The following COL4A2 variants were observed in gnomAD, a reference collection of about 807,000 sequenced individuals.
COL4A2 encodes the protein collagen alpha-2(IV) chain.
In COL4A2, 99 loss-of-function variants were observed where a neutral mutation model predicts 200.2. The ratio of observed to expected loss-of-function variants is 0.49; its 90% CI spans 0.42 to 0.58. The LOEUF is 0.58. Among genes scored for constraint, COL4A2 ranks in the 20% least tolerant of loss-of-function variants. The pLI is 0.00. For missense variants in COL4A2, 1,950 were observed against 2,314.1 expected, an observed-to-expected ratio of 0.84 and a Z score of 3.23; for synonymous variants, 897 against 900.6, an observed-to-expected ratio of 1.00 and a Z score of 0.07.
chr13:110,317,440 A>T (rs1257984548), intron 3 of COL4A2, among the ~76,000 whole-genome samples: 2 of 152,130 alleles, frequency 1.3e-5, no homozygotes, highest in East Asian at 3.8e-4. Context: ...TTCTTTCTTC[A>T]TGGGAGCAGC....
rs544714354 is a variant in COL4A2 at position 110,377,600 on chromosome 13, A to T, written c.180+20048A>T. Among the ~76,000 whole-genome samples, 48 of 152,334 alleles carry T rather than the reference A, an allele frequency of 3.2e-4. 1 individual carries two copies. The highest frequency in any genetic ancestry group is 1.1e-3 in the African/African-American group (45 of 41,570). Reference sequence around the variant, plus strand: ...TGGGAATTGTGATTCCGTTAAAATCATTTGACTCAGGAAAAGCTTTTCGAA... The same window carrying T: ...TGGGAATTGTGATTCCGTTAAAATCTTTTGACTCAGGAAAAGCTTTTCGAA... On this transcript the variant is annotated intron_variant, in intron 4 of 47. Coordinates refer to ENST00000360467, the MANE Select transcript of COL4A2 (RefSeq NM_001846.4).
chr13:110,439,974 A>G (rs1881060369), intron 16 of COL4A2, 141 bp downstream of exon 16: 2 of 1,305,534 alleles, frequency 1.5e-6, no homozygotes, highest in Admixed American at 3.1e-5. Flanking sequence ...TGCAGTCACA[A>G]AGATAATCCT....
intron 20 of COL4A2, among the ~76,000 whole-genome samples, chr13:110,453,688 C>G (rs1881622735): frequency 6.6e-6 from 1 of 152,150 alleles, no homozygotes; most frequent in South Asian, 2.1e-4. Context: ...AATTTCTGAT[C>G]TGTAGTGTGG....
chr13:110,415,040 G>A (rs1324354068), intron 4 of COL4A2, among the ~76,000 whole-genome samples: 3 of 152,190 alleles, frequency 2.0e-5, no homozygotes, highest in Non-Finnish European at 4.4e-5. Context: ...TCCACACTGC[G>A]TGGTTCTATT....
chr13:110,473,164 C>T lies in COL4A2; in HGVS notation c.2425+14C>T, dbSNP rs1309133739. 2 of 1,548,322 alleles carry T rather than the reference C, an allele frequency of 1.3e-6. No individual in the cohort carries two copies. Among genetic ancestry groups the T allele is most frequent in the South Asian group, 1.2e-5 (1 of 83,816 alleles). ...CTGGATTCAGAGGTGAGTGCCCCAT[C>T]GGGGAGCCGGGGGCCCCATCCCAGA... On this transcript the variant is annotated intron_variant, in intron 29 of 47. Transcript: ENST00000360467.
intron 4 of COL4A2, among the ~76,000 whole-genome samples, chr13:110,364,493 C>T (rs1463587926): frequency 2.6e-5 from 4 of 152,176 alleles, no homozygotes; most frequent in African/African-American, 7.2e-5. Context: ...TTGCTTCTCT[C>T]TTTGTCAGCT....
At chr13:110,423,975 C>T (rs190075982) in intron 4 of COL4A2, among the ~76,000 whole-genome samples, 1 of 152,268 alleles carries the variant, frequency 6.6e-6, no homozygotes, top group African/African-American at 2.4e-5. Context: ...TGGTTTCCAC[C>T]TTTTGGCTGT....
intron 22 of COL4A2, 112 bp downstream of exon 22, chr13:110,459,046 T>G: frequency 9.3e-7 from 1 of 1,078,946 alleles, no homozygotes; most frequent in Admixed American, 3.2e-5. Context: ...GCAACACTCA[T>G]GGACCCAAGG....
At chr13:110,429,274 C>G (rs1880586811) in intron 7 of COL4A2, 1 of 152,296 alleles carries the variant, frequency 6.6e-6, no homozygotes, top group Non-Finnish European at 1.5e-5. Flanking sequence ...CCTGCTAGTT[C>G]ACCTTTCCTC....
chr13:110,422,773 G>T (rs975604630), intron 4 of COL4A2, among the ~76,000 whole-genome samples: 2 of 152,186 alleles, frequency 1.3e-5, no homozygotes, highest in African/African-American at 4.8e-5. Context: ...CGTGATGCCT[G>T]GGGCCTAACA....
chr13:110,430,456 A>G lies in COL4A2; in HGVS notation c.585+20A>G. ...TTCCAGGTAAGTTTATTTTTATTGGACGATATTCCAAACAAAAGTTTAAGA... is the reference window on the plus strand; with the variant it reads ...TTCCAGGTAAGTTTATTTTTATTGGGCGATATTCCAAACAAAAGTTTAAGA... On this transcript the variant is annotated intron_variant, in intron 9 of 47. Coordinates refer to ENST00000360467, the MANE Select transcript of COL4A2 (RefSeq NM_001846.4). The G allele has an allele frequency of 6.2e-7, 1 of 1,614,150 alleles. No individual in the cohort carries two copies. The highest frequency in any genetic ancestry group is 8.5e-7 in the Non-Finnish European group (1 of 1,180,026).
At chr13:110,418,601 A>G (rs1046634485) in intron 4 of COL4A2, among the ~76,000 whole-genome samples, 1 of 152,252 alleles carries the variant, frequency 6.6e-6, no homozygotes, top group Non-Finnish European at 1.5e-5. Flanking sequence ...TTAGTGCTAC[A>G]GTCTGCATCA....
intron 13 of COL4A2, 60 bp from the exon 14 acceptor site, chr13:110,437,941 AT>A: frequency 1.5e-6 from 2 of 1,359,974 alleles, no homozygotes; most frequent in Non-Finnish European, 2.1e-6. Context: ...ACCCTGATTG[AT>A]TTTTACCCAT....
Position 110,432,307 on chromosome 13 carries a change from T to C in COL4A2, c.649-18T>C, listed in dbSNP as rs894036172. 1 of 1,601,012 alleles carries C rather than the reference T, an allele frequency of 6.2e-7. No individual in the cohort carries two copies. Among genetic ancestry groups the C allele is most frequent in the African/African-American group, 1.3e-5 (1 of 74,190 alleles). ...GGGGTAAAGAAAACCATTTACACAT[T>C]TCTTTGTATTTGTACAGGGACCACC... On this transcript the variant is annotated intron_variant, in intron 10 of 47. Coordinates refer to ENST00000360467, the MANE Select transcript of COL4A2 (RefSeq NM_001846.4).
rs1245796138 is a variant in COL4A2, at chr13:110,503,931, G to A, written c.4223G>A (p.Gly1408Glu). The change falls in exon 44 of 48, where the codon GGG becomes GAG. Residue 1408 changes from glycine (G) to glutamate (E), a missense_variant. By Grantham distance (98) the Gly-to-Glu change is moderately conservative. This residue lies in a region of COL4A2 where 1,385 missense variants were observed against 1,720.5 expected (regional missense o/e 0.80). Transcript: ENST00000360467. ...CAACCAGGGACAGTGGGTCCCCAGGGGAGGCGAGGCCCCCCTGGGGCACCG... is the reference window on the plus strand; with the variant it reads ...CAACCAGGGACAGTGGGTCCCCAGGAGAGGCGAGGCCCCCCTGGGGCACCG... ...AVQPGTVGPQ[G>E]RRGPPGAPGE... is the part of the protein sequence containing the mutation. The A allele has an allele frequency of 6.3e-7, 1 of 1,595,888 alleles. No homozygotes were observed. Among genetic ancestry groups the A allele is most frequent in the Non-Finnish European group, 8.6e-7 (1 of 1,168,532 alleles).
rs1461513690 is a variant in COL4A2 at position 110,492,165 on chromosome 13, C to T, written c.3550C>T (p.Pro1184Ser). 8 of 1,552,352 alleles carry T rather than the reference C, an allele frequency of 5.2e-6. No homozygotes were observed. The Admixed American group carries it at 1.6e-4, about 30-fold the overall frequency. The change falls in exon 38 of 48, where the codon CCG becomes TCG. Residue 1184 changes from proline to serine, a missense_variant. By Grantham distance (74) the Pro-to-Ser change is moderately conservative. This residue lies in a region of COL4A2 where 1,385 missense variants were observed against 1,720.5 expected (regional missense o/e 0.80). Transcript: ENST00000360467. ...AGGAGATGATGGCTGGCCGGGAGCT[C>T]CGGGCTTACCAGGTAAGGTCACGTA... Reference protein sequence around the residue: ...GKGDDGWPGAPGLPGFPGLRG... With the variant: ...GKGDDGWPGASGLPGFPGLRG...
chr13:110,367,479 T>C (rs1877805327), intron 4 of COL4A2, among the ~76,000 whole-genome samples: 2 of 152,254 alleles, frequency 1.3e-5, no homozygotes, highest in Non-Finnish European at 2.9e-5. Flanking sequence ...ATTAAAGTTC[T>C]GGCATGTCTT....
chr13:110,322,546 A>G (rs539003514), intron 3 of COL4A2, among the ~76,000 whole-genome samples: 1 of 152,292 alleles, frequency 6.6e-6, no homozygotes, highest in African/African-American at 2.4e-5. Context: ...GGGAGAAGAC[A>G]TATGGGGAAC....
intron 28 of COL4A2, among the ~76,000 whole-genome samples, chr13:110,470,662 A>C (rs1383940743): frequency 6.6e-6 from 1 of 152,166 alleles, no homozygotes; most frequent in Non-Finnish European, 1.5e-5. Context: ...AGCGCTCCCC[A>C]TGTCTGGAAT....
Sources: allele counts gnomAD v4.1 joint callset (sites outside exome capture counted in the v4.1 genomes callset), GRCh38; gene constraint gnomAD v4.1.1; regional missense constraint gnomAD v4.1.1; transcripts MANE v1.5; gene names NCBI Gene and HGNC (gene_info 2026-07-23, HGNC 2026-07-21).